Variants in ARMH1 observed in about 807,000 individuals in gnomAD.
ARMH1 encodes armadillo like helical domain containing 1.
Under a neutral mutation model 50.2 loss-of-function variants are expected in ARMH1, and 34 were observed. The ratio of observed to expected loss-of-function variants is 0.68; its 90% confidence interval spans 0.51 to 0.90. The LOEUF (loss-of-function observed/expected upper bound fraction) is 0.90. Ranked by LOEUF, ARMH1 falls within the 40% of genes least tolerant of loss-of-function variation. The probability of loss-of-function intolerance (pLI) is 0.00; values close to 1 mark genes in which losing one functional copy is unlikely to be tolerated. For missense variants in ARMH1, 538 were observed against 553.9 expected, an observed-to-expected ratio of 0.97 and a Z score of 0.29; for synonymous variants, 221 against 224.2, an observed-to-expected ratio of 0.99 and a Z score of 0.13.
In ARMH1 at chr1:44,713,653, C is replaced by A. The variant is rs564291785; in HGVS notation, c.724+9480C>A. On this transcript the variant is annotated intron_variant, in intron 6 of 11. Coordinates refer to ENST00000535358, the MANE Select transcript of ARMH1 (RefSeq NM_001145636.2). The stretch of plus-strand genomic sequence containing the variant: ...TCTTCCAGGGGATTTAAGTGAAAAT[C>A]TTGGGGGGAAATCTTATTTCTAACT... 2.0e-5 allele frequency among the ~76,000 whole-genome samples: 3 copies of A among 152,296 alleles called. No homozygotes were observed. In the South Asian group the frequency reaches 6.2e-4, roughly 32 times the overall value.
chr1:44,701,480 T>C (rs1646077356), intron 5 of ARMH1, among the ~76,000 whole-genome samples: 2 of 151,506 alleles, frequency 1.3e-5, no homozygotes, highest in Admixed American at 1.3e-4. Context: ...AGATCTCCAG[T>C]GCTGGGGAAG....
intron 1 of ARMH1, among the ~76,000 whole-genome samples, chr1:44,675,153 C>T (rs1645093181): frequency 6.6e-6 from 1 of 152,120 alleles, no homozygotes; most frequent in South Asian, 2.1e-4. Context: ...TCCTTAGGCC[C>T]TAGTGAGAAT....
intron 4 of ARMH1, among the ~76,000 whole-genome samples, chr1:44,699,433 A>G (rs1645956692): frequency 6.6e-6 from 1 of 152,296 alleles, no homozygotes; most frequent in East Asian, 1.9e-4. Context: ...CTGGTGAGAA[A>G]AGTAAATAAT....
At chr1:44,694,425 C>G (rs572929752) in intron 2 of ARMH1, among the ~76,000 whole-genome samples, 1 of 151,956 alleles carries the variant, frequency 6.6e-6, no homozygotes, top group African/African-American at 2.4e-5. Context: ...CAACCTTGAA[C>G]TTTCAGAATA....
chr1:44,708,363 A>C (rs1414657235), intron 6 of ARMH1, among the ~76,000 whole-genome samples: 1 of 152,236 alleles, frequency 6.6e-6, no homozygotes. Flanking sequence ...AGAAGAGTTT[A>C]GTAGGTGACA....
chr1:44,717,188 C>T (rs555875395), intron 6 of ARMH1, among the ~76,000 whole-genome samples: 57 of 152,252 alleles, frequency 3.7e-4, no homozygotes, highest in African/African-American at 1.1e-3. Context: ...TGATCCTGAG[C>T]GAGCTACTCA....
chr1:44,705,729 C>T (rs775340180), intron 6 of ARMH1, among the ~76,000 whole-genome samples: 2 of 152,156 alleles, frequency 1.3e-5, no homozygotes, highest in Middle Eastern at 3.2e-3. Flanking sequence ...TAACATATAG[C>T]GCATGGCAGA....
chr1:44,717,660 C>T (rs890941192), intron 6 of ARMH1, among the ~76,000 whole-genome samples: 1 of 152,178 alleles, frequency 6.6e-6, no homozygotes, highest in African/African-American at 2.4e-5. Flanking sequence ...ATAGCCCTAG[C>T]CCAGAGGCCT....
chr1:44,703,079 T>C (rs1187024510), intron 5 of ARMH1, among the ~76,000 whole-genome samples: 1 of 152,180 alleles, frequency 6.6e-6, no homozygotes, highest in Non-Finnish European at 1.5e-5. Context: ...AGCTTGAGGA[T>C]GTTTAATGCT....
chr1:44,725,044 G>T (rs1648079446), intron 10 of ARMH1, 92 bp from the exon 11 acceptor site: 1 of 1,531,782 alleles, frequency 6.5e-7, no homozygotes, highest in Non-Finnish European at 8.8e-7. Context: ...CTGCCGACCC[G>T]CCCCCCACCT....
chr1:44,678,885 A>G (rs1231822772), intron 1 of ARMH1, among the ~76,000 whole-genome samples: 2 of 152,186 alleles, frequency 1.3e-5, no homozygotes, highest in East Asian at 3.9e-4. Flanking sequence ...GCTTGTTGCC[A>G]AGGACCTTTG....
At chr1:44,696,904 G>C (rs1203270326) in intron 2 of ARMH1, among the ~76,000 whole-genome samples, 198 bp from the exon 3 acceptor site, 1 of 152,168 alleles carries the variant, frequency 6.6e-6, no homozygotes, top group Non-Finnish European at 1.5e-5. Context: ...CTGGAGAACA[G>C]TGAACAGCCA....
chr1:44,713,971 G>A (rs754974877), intron 6 of ARMH1, among the ~76,000 whole-genome samples: 1 of 152,192 alleles, frequency 6.6e-6, no homozygotes, highest in South Asian at 2.1e-4. Context: ...GCTTTGAACA[G>A]AATGTAGTTA....
At chr1:44,713,920 A>G (rs972041126) in intron 6 of ARMH1, among the ~76,000 whole-genome samples, 7 of 152,218 alleles carry the variant, frequency 4.6e-5, no homozygotes, top group African/African-American at 1.4e-4. Flanking sequence ...TTTAAAAACA[A>G]AAGGTGTGCA....
At chr1:44,718,833 T>A (rs2148760653) in intron 6 of ARMH1, among the ~76,000 whole-genome samples, 1 of 152,212 alleles carries the variant, frequency 6.6e-6, no homozygotes, top group East Asian at 1.9e-4. Flanking sequence ...AAGACCAGCC[T>A]GACCACCATG....
Position 44,725,377 on chromosome 1 carries a change from G to A in ARMH1, c.1297G>A (p.Glu433Lys), listed in dbSNP as rs779821996. ...TCAGATGGCCTACCTCACACACTTC[G>A]AGGAGGATGTAGAATCAAAGGAGTA... ...SAQMAYLTHF[E>K]EDVESKE Residue 433 changes from glutamate to lysine, a missense_variant, in exon 12 of 12, where the codon GAG (glutamate) becomes AAG (lysine). Transcript: ENST00000535358. 3.5e-5 allele frequency: 54 copies of A among 1,551,648 alleles called. No individual in the cohort carries two copies. Among genetic ancestry groups the A allele is most frequent in the African/African-American group, 5.5e-5 (4 of 73,036 alleles).
At chr1:44,722,891 C>T (rs150666855) in intron 6 of ARMH1, among the ~76,000 whole-genome samples, 1 of 122,596 alleles carries the variant, frequency 8.2e-6, no homozygotes, top group Non-Finnish European at 1.6e-5. Flanking sequence ...AACCCCATCT[C>T]TACTAAAAAT....
chr1:44,703,417 C>G (rs1646183133), intron 5 of ARMH1, among the ~76,000 whole-genome samples: 1 of 152,034 alleles, frequency 6.6e-6, no homozygotes, highest in Non-Finnish European at 1.5e-5. Flanking sequence ...AACAGGTAGA[C>G]AAGATCTAAA....
intron 1 of ARMH1, among the ~76,000 whole-genome samples, chr1:44,676,341 A>G (rs1645140312): frequency 1.3e-5 from 2 of 152,278 alleles, no homozygotes; most frequent in South Asian, 4.1e-4. Context: ...TTCGCCAGAT[A>G]AGTCTAACTG....
Sources: allele counts gnomAD v4.1 joint callset (sites outside exome capture counted in the v4.1 genomes callset), GRCh38; gene constraint gnomAD v4.1.1; transcripts MANE v1.5; gene names NCBI Gene and HGNC (gene_info 2026-07-23, HGNC 2026-07-21).